Variants in YAE1 observed in about 807,000 individuals in gnomAD.
YAE1 encodes the protein YAE1 maturation factor of ABCE1.
Under a neutral mutation model 23.0 loss-of-function variants are expected in YAE1, and 22 were observed. The observed-to-expected ratio is 0.96, with a 90% CI of 0.68 to 1.37. The LOEUF (loss-of-function observed/expected upper bound fraction) is 1.37. Ranked by LOEUF, YAE1 falls within the 40% of genes most tolerant of loss-of-function variation. YAE1 has a pLI of 0.00. For missense variants in YAE1, 260 were observed against 262.1 expected, an observed-to-expected ratio of 0.99 and a Z score of 0.06; for synonymous variants, 101 against 97.0, an observed-to-expected ratio of 1.04 and a Z score of -0.24.
exon 3 of YAE1, chr7:39,610,251 G>A (rs747568043): frequency 2.7e-5 from 15 of 550,066 alleles, no homozygotes; most frequent in South Asian, 2.2e-4. Context: ...GCGACCATGT[G>A]GGACAAGCCC....
intron 2 of YAE1, among the ~76,000 whole-genome samples, chr7:39,600,089 C>T (rs992007740): frequency 3.9e-5 from 6 of 152,084 alleles, no homozygotes; most frequent in African/African-American, 1.2e-4. Flanking sequence ...TGAAGTTTCT[C>T]GAGAGTAAGG....
At position 39,578,486 on chromosome 7, in the gene YAE1, G is replaced by A. The variant is rs138789920; in HGVS notation, c.251+7859G>A. On this transcript the variant is annotated intron_variant, in intron 2 of 2. Transcript: ENST00000432096. ...TTTCTGCTGTTCACTGTTTGGGTTT[G>A]TGTTGTCTTTGTGAGCTGTAACACT... Among the ~76,000 whole-genome samples, 165 of 152,328 alleles carry A rather than the reference G, an allele frequency of 1.1e-3. 1 individual carries two copies. The highest frequency in any genetic ancestry group is 1.7e-3 in the Non-Finnish European group (117 of 68,036).
At chr7:39,592,210 G>A (rs1790909936) in intron 2 of YAE1, among the ~76,000 whole-genome samples, 1 of 152,154 alleles carries the variant, frequency 6.6e-6, no homozygotes, top group African/African-American at 2.4e-5. Context: ...AAGTACAATT[G>A]CTGGATCATA....
At chr7:39,609,600 A>G (rs1791177423) in intron 2 of YAE1, 1 of 1,530,880 alleles carries the variant, frequency 6.5e-7, no homozygotes, top group African/African-American at 1.4e-5. Context: ...TGTCTATCCA[A>G]TTGTCTATCA....
At chr7:39,612,078 T>G (rs1791227731), downstream of YAE1, among the ~76,000 whole-genome samples, 1 of 151,868 alleles carries the variant, frequency 6.6e-6, no homozygotes, top group Non-Finnish European at 1.5e-5. Flanking sequence ...AACAAATAAA[T>G]TACTTAAGTT....
intron 2 of YAE1, among the ~76,000 whole-genome samples, chr7:39,605,041 G>A (rs2329461): frequency 0.73 from 110,765 of 152,106 alleles, 42,012 homozygotes; most frequent in East Asian, 0.89. Flanking sequence ...GTTCAAAATA[G>A]CATAGACCTA....
intron 2 of YAE1, among the ~76,000 whole-genome samples, chr7:39,591,159 A>G (rs1790895814): frequency 6.6e-6 from 1 of 152,140 alleles, no homozygotes; most frequent in East Asian, 1.9e-4. Context: ...TCCTCTTCTT[A>G]CAAGAATACC....
At chr7:39,597,121 T>C (rs1790986505) in intron 2 of YAE1, among the ~76,000 whole-genome samples, 2 of 152,260 alleles carry the variant, frequency 1.3e-5, no homozygotes, top group Admixed American at 1.3e-4. Context: ...ATTTTTGAAC[T>C]GTGGCTTCTT....
Position 39,586,454 on chromosome 7 carries a change from G to A in YAE1, c.251+15827G>A, listed in dbSNP as rs1009136601. On this transcript the variant is annotated intron_variant, in intron 2 of 2. Transcript: ENST00000432096. ...CCCAAAGTGCTGGGATTACAGGGGT[G>A]AGCCACCGCGCCCGGCCAGTAATGA... Among the ~76,000 whole-genome samples the A allele has an allele frequency of 2.0e-5, 3 of 149,790 alleles. No homozygotes were observed. In the East Asian group the frequency reaches 5.9e-4, roughly 30 times the overall value.
At chr7:39,599,331 GATA>G (rs1400260299) in intron 2 of YAE1, among the ~76,000 whole-genome samples, 1 of 152,136 alleles carries the variant, frequency 6.6e-6, no homozygotes, top group Non-Finnish European at 1.5e-5. Flanking sequence ...TAAATGAGGT[GATA>G]ATAGTAGTTT....
chr7:39,579,716 G>A (rs112867197), intron 2 of YAE1, among the ~76,000 whole-genome samples: 2,811 of 150,750 alleles, frequency 0.019, 61 homozygotes, highest in Admixed American at 0.063. Context: ...GTCTTCCCCA[G>A]TCAGCAAGTA....
downstream of YAE1, among the ~76,000 whole-genome samples, chr7:39,576,422 A>G (rs1387449026): frequency 1.3e-5 from 2 of 152,160 alleles, no homozygotes; most frequent in Non-Finnish European, 2.9e-5. Context: ...GTTGGGCCCA[A>G]AAGAGTGTTG....
chr7:39,600,370 TTTTA>T (rs764065570), intron 2 of YAE1, among the ~76,000 whole-genome samples: 1 of 152,072 alleles, frequency 6.6e-6, no homozygotes, highest in Middle Eastern at 3.4e-3. Flanking sequence ...TGACTGGTGT[TTTTA>T]TTTATTTTAT....
intron 2 of YAE1, among the ~76,000 whole-genome samples, chr7:39,600,369 TTTTTATTTA>T (rs775629445): frequency 5.9e-5 from 9 of 151,924 alleles, no homozygotes; most frequent in Non-Finnish European, 8.8e-5. Context: ...ATGACTGGTG[TTTTTATTTA>T]TTTTATTTAT....
chr7:39,588,266 C>G (rs1033030596), intron 2 of YAE1, among the ~76,000 whole-genome samples: 1 of 152,132 alleles, frequency 6.6e-6, no homozygotes, highest in Non-Finnish European at 1.5e-5. Context: ...AATCCCAACA[C>G]TTTAGGAGGC....
At chr7:39,609,463 G>A in intron 2 of YAE1, 1 of 972,690 alleles carries the variant, frequency 1.0e-6, no homozygotes, top group Admixed American at 2.8e-5. Flanking sequence ...CAAATTGGGA[G>A]AATGGGGAAA....
chr7:39,591,676 T>TA (rs1247468586), intron 2 of YAE1, among the ~76,000 whole-genome samples: 1 of 151,244 alleles, frequency 6.6e-6, no homozygotes, highest in Admixed American at 6.6e-5. Flanking sequence ...CTTACATTGA[T>TA]ACGTTATTAT....
chr7:39,595,103 G>A (rs1274389012), intron 2 of YAE1, among the ~76,000 whole-genome samples: 12 of 151,716 alleles, frequency 7.9e-5, no homozygotes, highest in Admixed American at 1.3e-4. Flanking sequence ...TAACTTCTCC[G>A]CTGAAAAAAG....
At chr7:39,597,960 TC>T (rs1791000724) in intron 2 of YAE1, among the ~76,000 whole-genome samples, 1 of 152,100 alleles carries the variant, frequency 6.6e-6, no homozygotes, top group African/African-American at 2.4e-5. Flanking sequence ...GAAAAATTTT[TC>T]TTTTTTTTCT....
Sources: allele counts gnomAD v4.1 joint callset (sites outside exome capture counted in the v4.1 genomes callset), GRCh38; gene constraint gnomAD v4.1.1; transcripts MANE v1.5; gene names NCBI Gene and HGNC (gene_info 2026-07-23, HGNC 2026-07-21).